The following PPARGC1A variants were observed in gnomAD, a reference collection of about 807,000 sequenced individuals.
PPARGC1A encodes the protein peroxisome proliferator-activated receptor gamma coactivator 1-alpha.
In PPARGC1A, 25 loss-of-function variants were observed where a neutral mutation model predicts 88.7. The ratio of observed to expected loss-of-function variants is 0.28; its 90% CI spans 0.21 to 0.39. The LOEUF is 0.39. PPARGC1A is among the 10% of genes least tolerant of loss of function. The probability of loss-of-function intolerance (pLI) is 1.00; values close to 1 mark genes in which losing one functional copy is unlikely to be tolerated. For synonymous variants in PPARGC1A, 363 were observed against 355.6 expected (o/e 1.02, Z -0.24); for missense variants, 880 against 968.7 (o/e 0.91, Z 1.22).
At chr4:23,837,406 GT>G (rs370173150) in intron 2 of PPARGC1A, among the ~76,000 whole-genome samples, 4 of 147,030 alleles carry the variant, frequency 2.7e-5, no homozygotes, top group African/African-American at 1.0e-4. Context: ...AAAAAAAAGA[GT>G]TGACAAAGGC....
intron 2 of PPARGC1A, among the ~76,000 whole-genome samples, chr4:23,871,808 C>T (rs1297090888): frequency 2.0e-5 from 3 of 152,104 alleles, no homozygotes; most frequent in African/African-American, 4.8e-5. Flanking sequence ...TTCCCCTATA[C>T]AAGAGCCGTT....
At chr4:24,410,873 C>T in the PPARGC1A span, among the ~76,000 whole-genome samples, 11 of 152,288 alleles carry the variant, frequency 7.2e-5, no homozygotes, top group Non-Finnish European at 1.0e-4. Context: ...GCTGCACTGT[C>T]GGCTTCCCTA....
At chr4:24,128,164 C>A in the PPARGC1A span, among the ~76,000 whole-genome samples, 10 of 152,148 alleles carry the variant, frequency 6.6e-5, no homozygotes, top group African/African-American at 2.2e-4. Context: ...GCATCCCCCA[C>A]TTTGTAGCGT....
chr4:24,427,596 A>G, the PPARGC1A span, among the ~76,000 whole-genome samples: 3 of 152,098 alleles, frequency 2.0e-5, no homozygotes, highest in Admixed American at 1.3e-4. Flanking sequence ...GACCTGCCCA[A>G]CGGTGCTGGA....
chr4:24,470,271 G>GACACACACACAC, the PPARGC1A span, among the ~76,000 whole-genome samples: 76 of 72,004 alleles, frequency 1.1e-3, no homozygotes, highest in Admixed American at 2.2e-3. This position sits in a 1 kb window ranked among gnomAD's most constrained non-coding sequence, Gnocchi z 5.8. Context: ...CTCATCGACA[G>GACACACACACAC]ACACAGACAC....
the PPARGC1A span, among the ~76,000 whole-genome samples, chr4:24,188,397 A>G: frequency 2.0e-5 from 3 of 152,268 alleles, no homozygotes; most frequent in South Asian, 6.2e-4. Context: ...GATCAGGCAA[A>G]GGCACTAACT....
chr4:23,800,744 C>T (rs1326719922), intron 12 of PPARGC1A, among the ~76,000 whole-genome samples: 1 of 151,470 alleles, frequency 6.6e-6, no homozygotes, highest in Non-Finnish European at 1.5e-5. Context: ...TTTCTTAATA[C>T]CTTTTTATAT....
At chr4:24,457,596 A>G in the PPARGC1A span, among the ~76,000 whole-genome samples, 2 of 152,148 alleles carry the variant, frequency 1.3e-5, no homozygotes, top group Non-Finnish European at 2.9e-5. Context: ...CCCAGGCTAG[A>G]GTGCAGTGGC....
chr4:24,057,653 G>T, the PPARGC1A span, among the ~76,000 whole-genome samples: 2 of 152,176 alleles, frequency 1.3e-5, no homozygotes, highest in East Asian at 3.9e-4. Context: ...TTAACACCAC[G>T]TGTGTACATC....
the PPARGC1A span, among the ~76,000 whole-genome samples, chr4:24,323,638 C>T: frequency 6.6e-6 from 1 of 152,222 alleles, no homozygotes; most frequent in Non-Finnish European, 1.5e-5. Context: ...ACTCAGCCCG[C>T]CTGCACCCAG....
chr4:24,377,627 T>A, the PPARGC1A span, among the ~76,000 whole-genome samples: 1 of 152,166 alleles, frequency 6.6e-6, no homozygotes, highest in African/African-American at 2.4e-5. Flanking sequence ...TGAGTTGAGA[T>A]GTGTCTGTGT....
upstream of PPARGC1A, among the ~76,000 whole-genome samples, chr4:23,891,502 A>G (rs2148857739): frequency 6.6e-6 from 1 of 152,336 alleles, no homozygotes; most frequent in Admixed American, 6.5e-5. Context: ...TAAATATTAA[A>G]TTGCTCAAAT....
chr4:24,082,597 G>C, the PPARGC1A span, among the ~76,000 whole-genome samples: 1 of 152,156 alleles, frequency 6.6e-6, no homozygotes, highest in Non-Finnish European at 1.5e-5. Flanking sequence ...GCTATGACTT[G>C]AGGATTTCAC....
the PPARGC1A span, among the ~76,000 whole-genome samples, chr4:24,115,572 G>C: frequency 1.3e-5 from 2 of 152,238 alleles, no homozygotes; most frequent in African/African-American, 4.8e-5. Context: ...TATCAACCAG[G>C]CTTTATATTA....
At chr4:24,208,047 G>C in the PPARGC1A span, among the ~76,000 whole-genome samples, 1 of 152,142 alleles carries the variant, frequency 6.6e-6, no homozygotes, top group African/African-American at 2.4e-5. Context: ...GAGAAGCTAA[G>C]GTGGGAGGGT....
chr4:24,010,562 C>CA, the PPARGC1A span, among the ~76,000 whole-genome samples: 243 of 146,498 alleles, frequency 1.7e-3, 2 homozygotes, highest in African/African-American at 5.2e-3. Context: ...AAGGACAGAC[C>CA]AAAAAAAAAA....
the PPARGC1A span, among the ~76,000 whole-genome samples, chr4:23,913,794 T>C: frequency 6.6e-6 from 1 of 152,144 alleles, no homozygotes; most frequent in Non-Finnish European, 1.5e-5. Flanking sequence ...CCCAAACTAT[T>C]TGACATCTGA....
chr4:23,795,687 G>A lies in PPARGC1A; in HGVS notation c.*135C>T. On this transcript the variant is annotated 3_prime_UTR_variant, in exon 13 of 13. Transcript: ENST00000264867. The stretch of plus-strand genomic sequence containing the variant: ...TTGTTGTTCTTGTTGTATTGTTGTT[G>A]TTTTGTTTTGTTTTTGTACAGAGAG... 1 of 595,344 alleles carries A rather than the reference G, an allele frequency of 1.7e-6. No individual in the cohort carries two copies. The highest frequency in any genetic ancestry group is 2.9e-6 in the Non-Finnish European group (1 of 347,574). 36.9% of individuals were successfully genotyped at this position (595,344 alleles called of 1,614,324 possible). A position where few individuals can be genotyped will look rare whatever the true frequency, so the allele number is the denominator to read the frequency against.
the PPARGC1A span, among the ~76,000 whole-genome samples, chr4:24,332,189 G>A: frequency 4.0e-5 from 6 of 151,894 alleles, no homozygotes; most frequent in African/African-American, 7.3e-5. Flanking sequence ...TGTTGCCCAG[G>A]CTGATCTCAA....
Sources: allele counts gnomAD v4.1 joint callset (sites outside exome capture counted in the v4.1 genomes callset), GRCh38; gene constraint gnomAD v4.1.1; non-coding constraint Gnocchi (gnomAD v3.1); transcripts MANE v1.5; gene names NCBI Gene and HGNC (gene_info 2026-07-23, HGNC 2026-07-21).